PXDN: variants seen among roughly 807,000 people sequenced by gnomAD.
The protein encoded by PXDN is peroxidasin.
Under a neutral mutation model 140.3 loss-of-function variants are expected in PXDN, and 77 were observed. The ratio of observed to expected loss-of-function variants is 0.55; its 90% confidence interval spans 0.46 to 0.66. The LOEUF (loss-of-function observed/expected upper bound fraction) is 0.66, where lower values mean the gene tolerates loss of function less well. PXDN is among the 30% of genes least tolerant of loss of function. The probability of loss-of-function intolerance (pLI) is 0.00; values close to 1 mark genes in which losing one functional copy is unlikely to be tolerated. For synonymous variants in PXDN, 911 were observed against 857.4 expected (o/e 1.06, Z -1.09); for missense variants, 1,838 against 2,039.5 (o/e 0.90, Z 1.90).
intron 1 of PXDN, among the ~76,000 whole-genome samples, chr2:1,707,602 T>C (rs1182438988): frequency 6.6e-5 from 10 of 152,228 alleles, no homozygotes; most frequent in African/African-American, 2.4e-4. Context: ...GCCAAAAGTC[T>C]TCCAAAAATG....
chr2:1,662,016 C>T, intron 13 of PXDN, 56 bp downstream of exon 13: 10 of 1,471,756 alleles, frequency 6.8e-6, no homozygotes, highest in Non-Finnish European at 8.3e-6. Flanking sequence ...GGTGTGGGTG[C>T]CAGCCCGTCT....
upstream of PXDN, chr2:1,744,626 G>GGGCGA (rs1313247341): frequency 3.5e-6 from 2 of 572,324 alleles, no homozygotes; most frequent in Non-Finnish European, 5.0e-6. Flanking sequence ...GGGCGGGGCG[G>GGGCGA]GGCGAGAACC....
chr2:1,725,359 A>G (rs1192478294), intron 1 of PXDN, among the ~76,000 whole-genome samples: 32 of 152,148 alleles, frequency 2.1e-4, no homozygotes, highest in Non-Finnish European at 1.5e-5. Flanking sequence ...GGTGCTGGGA[A>G]AACTGGCTAG....
chr2:1,693,185 T>C, intron 1 of PXDN, 51 bp from the exon 2 acceptor site: 1 of 1,397,162 alleles, frequency 7.2e-7, no homozygotes, highest in Non-Finnish European at 9.8e-7. Flanking sequence ...TCTACAAACA[T>C]CGCTACACAT....
At chr2:1,659,973 G>A (rs1177565206) in intron 14 of PXDN, among the ~76,000 whole-genome samples, 1 of 152,204 alleles carries the variant, frequency 6.6e-6, no homozygotes, top group African/African-American at 2.4e-5. Context: ...TGGAGGCCCG[G>A]GGGAAGGCCA....
At chr2:1,690,539 C>G (rs1684161629) in intron 3 of PXDN, among the ~76,000 whole-genome samples, 1 of 150,432 alleles carries the variant, frequency 6.6e-6, no homozygotes, top group Non-Finnish European at 1.5e-5. Flanking sequence ...CCTGTTAAAC[C>G]TATTAAACAC....
chr2:1,644,568 C>A, intron 18 of PXDN, 50 bp downstream of exon 18: 1 of 1,526,486 alleles, frequency 6.6e-7, no homozygotes, highest in Non-Finnish European at 8.9e-7. Context: ...TCTGGAGTCC[C>A]TAAGAAGGTG....
intron 1 of PXDN, among the ~76,000 whole-genome samples, chr2:1,719,932 G>GATGC (rs1405996275): frequency 5.8e-5 from 7 of 121,258 alleles, no homozygotes; most frequent in Non-Finnish European, 1.1e-4. Context: ...CAGAGAGGGA[G>GATGC]AGAGAGAGAG....
chr2:1,649,145 C>T lies in PXDN; in HGVS notation c.2635G>A (p.Val879Met), dbSNP rs765506698. ...CTGCCGCACACAGGGCTGGAGCGCA[C>T]GAAGAACATGCAGCGGGCCCCGCTC... The part of the protein sequence containing the change: ...ARSGARCMFF[V>M]RSSPVCGSGM... Residue 879 changes from valine (V) to methionine (M), a missense_variant, in exon 17 of 23, where the codon GTG becomes ATG. By Grantham distance (21) the Val-to-Met change is conservative. Coordinates refer to ENST00000252804, the MANE Select transcript of PXDN (RefSeq NM_012293.3). This position sits in a 1 kb window ranked among gnomAD's most constrained non-coding sequence, Gnocchi z 7.1. 1.9e-6 allele frequency: 3 copies of T among 1,612,346 alleles called. No homozygotes were observed. Among genetic ancestry groups the T allele is most frequent in the African/African-American group, 1.3e-5 (1 of 74,780 alleles).
intron 1 of PXDN, among the ~76,000 whole-genome samples, chr2:1,693,911 G>A (rs972949213): frequency 2.0e-5 from 3 of 152,356 alleles, no homozygotes; most frequent in Non-Finnish European, 4.4e-5. Flanking sequence ...GAGGCCACGG[G>A]CCTGGGGGCA....
rs1389763560 is a variant in PXDN at position 1,632,735 on chromosome 2, C to T, written c.*1469G>A. On this transcript the variant is annotated 3_prime_UTR_variant, in exon 23 of 23. Transcript: ENST00000252804. This position sits in a 1 kb window ranked among gnomAD's most constrained non-coding sequence, Gnocchi z 4.3. ...GTCAGAAGGAAGCTGGCCTCCCCCA[C>T]CCCATGGAAGCCTCGACGCCATACC... is the stretch of plus-strand genomic sequence containing the variant. 1 of 152,256 alleles carries T rather than the reference C, an allele frequency of 6.6e-6. No individual in the cohort carries two copies. The highest frequency in any genetic ancestry group is 1.5e-5 in the Non-Finnish European group (1 of 68,102). 9.4% of individuals were successfully genotyped at this position (152,256 alleles called of 1,614,324 possible).
chr2:1,676,848 G>A lies in PXDN; in HGVS notation c.848+79C>T, dbSNP rs151328274. ...AGGAAAAGTGGACGTGGGCCTTGGT[G>A]GGGAGTGAGGTGTGGTTTGGGTGTC... On this transcript the variant is annotated intron_variant, in intron 8 of 22. Coordinates refer to ENST00000252804, the MANE Select transcript of PXDN (RefSeq NM_012293.3). 2,786 of 1,317,506 alleles carry A rather than the reference G, an allele frequency of 2.1e-3. 31 individuals are homozygous for A. In the African/African-American group the frequency reaches 0.028, roughly 13 times the overall value. 81.6% of individuals were successfully genotyped at this position (1,317,506 alleles called of 1,614,324 possible).
At chr2:1,677,634 G>A (rs1311209103) in intron 7 of PXDN, among the ~76,000 whole-genome samples, 1 of 151,162 alleles carries the variant, frequency 6.6e-6, no homozygotes, top group East Asian at 1.9e-4. Context: ...CCCGAGGGCT[G>A]ACGGCTCCCA....
intron 6 of PXDN, among the ~76,000 whole-genome samples, chr2:1,680,821 T>A (rs536035621): frequency 9.2e-5 from 14 of 151,988 alleles, no homozygotes; most frequent in African/African-American, 3.4e-4. Flanking sequence ...CTACATCATC[T>A]CCCTCCGGCC....
chr2:1,666,857 G>T (rs1683456947), intron 9 of PXDN, among the ~76,000 whole-genome samples: 2 of 152,048 alleles, frequency 1.3e-5, no homozygotes, highest in African/African-American at 4.8e-5. Flanking sequence ...ATTATTGTTA[G>T]GGAAGTATAT....
At chr2:1,642,091 A>G (rs1682740255) in intron 19 of PXDN, among the ~76,000 whole-genome samples, 1 of 152,240 alleles carries the variant, frequency 6.6e-6, no homozygotes, top group African/African-American at 2.4e-5. Context: ...TTGGGTACCT[A>G]GCAAGCATAA....
At chr2:1,664,629 A>G (rs1683388002) in intron 11 of PXDN, 1 of 256,296 alleles carries the variant, frequency 3.9e-6, no homozygotes, top group African/African-American at 2.2e-5. Context: ...AGATTCCTTC[A>G]AGAGGCTACT....
At chr2:1,707,440 A>G (rs577772287) in intron 1 of PXDN, among the ~76,000 whole-genome samples, 1 of 152,196 alleles carries the variant, frequency 6.6e-6, no homozygotes, top group Non-Finnish European at 1.5e-5. Flanking sequence ...TGCATTGCTC[A>G]TCAATCCCAG....
Position 1,660,989 on chromosome 2 carries a change from C to G in PXDN, c.1729G>C (p.Gly577Arg). ...ESGKFHISPE[G>R]FLTINDVGPA... ...CCAACGTCATTGATGGTCAAGAATC[C>G]TTCAGGGCTGATGTGAAATTTTCCA... is the stretch of plus-strand genomic sequence containing the variant. The change falls in exon 14 of 23, where the codon GGA becomes CGA. Residue 577 changes from glycine to arginine, a missense_variant. Physicochemically the swap from Gly to Arg is moderately radical, Grantham distance 125. Around this residue, in one of 5 missense-constraint regions of PXDN, gnomAD observed 537 missense variants for 583.9 expected, o/e 0.92. Transcript: ENST00000252804. This position sits in a 1 kb window ranked among gnomAD's most constrained non-coding sequence, Gnocchi z 4.6. 3 of 1,614,044 alleles carry G rather than the reference C, an allele frequency of 1.9e-6. No individual in the cohort carries two copies. Among genetic ancestry groups the G allele is most frequent in the Non-Finnish European group, 2.5e-6 (3 of 1,179,896 alleles).
Sources: allele counts gnomAD v4.1 joint callset (sites outside exome capture counted in the v4.1 genomes callset), GRCh38; gene constraint gnomAD v4.1.1; regional missense constraint gnomAD v4.1.1; non-coding constraint Gnocchi (gnomAD v3.1); transcripts MANE v1.5; gene names NCBI Gene and HGNC (gene_info 2026-07-23, HGNC 2026-07-21).